Variants in GLDC observed in about 807,000 individuals in gnomAD.
GLDC encodes the protein glycine dehydrogenase (decarboxylating), mitochondrial.
In GLDC, 104 loss-of-function variants were observed where a neutral mutation model predicts 121.3. That is an observed-to-expected ratio of 0.86 (90% CI 0.73 to 1.01). The LOEUF is 1.01. GLDC is among the 50% of genes least tolerant of loss of function. GLDC has a pLI of 0.00. For synonymous variants in GLDC, 546 were observed against 480.6 expected (o/e 1.14, Z -1.78); for missense variants, 1,429 against 1,306.6 (o/e 1.09, Z -1.44).
In GLDC at chr9:6,587,179, T is replaced by C. The variant is rs1451634607; in HGVS notation, c.1812A>G (p.Glu604=). The C allele has an allele frequency of 6.2e-7, 1 of 1,613,948 alleles. No homozygotes were observed. Among genetic ancestry groups the C allele is most frequent in the African/African-American group, 1.3e-5 (1 of 75,038 alleles). Residue 604 remains glutamate (E), a synonymous_variant, in exon 15 of 25, where the codon GAA becomes GAG. Coordinates refer to ENST00000321612, the MANE Select transcript of GLDC (RefSeq NM_000170.3). ...LFRELEKDLC[E]LTGYDQVCFQ... ...AACAGACCTGGTCATAACCTGTGAG[T>C]TCACACAAATCCTTCTCAAGCTCTC...
rs370061961 is a variant in GLDC, at chr9:6,554,754, C to T, written c.2230G>A (p.Gly744Arg). The change falls in exon 19 of 25, where the codon GGG (glycine) becomes AGG (arginine). Residue 744 changes from glycine (G) to arginine (R), a missense_variant. Gly to Arg is a moderately radical substitution (Grantham distance 125, BLOSUM62 -2). Transcript: ENST00000321612. ...QVGICRPGDF[G>R]SDVSHLNLHK... is the part of the protein sequence containing the mutation. ...AGATTTAGGTGCGAGACATCAGACC[C>T]GAAGTCTCCAGGGCGACAGATTCCC... 203 of 1,613,240 alleles carry T rather than the reference C, an allele frequency of 1.3e-4. No individual in the cohort carries two copies. The highest frequency in any genetic ancestry group is 8.4e-4 in the Middle Eastern group (5 of 5,974).
At chr9:6,636,137 C>G (rs1819496672) in intron 2 of GLDC, among the ~76,000 whole-genome samples, 1 of 151,976 alleles carries the variant, frequency 6.6e-6, no homozygotes, top group Admixed American at 6.6e-5. Context: ...ACCCCCGTCT[C>G]TACTAAAGAT....
intron 2 of GLDC, among the ~76,000 whole-genome samples, chr9:6,629,958 T>TATATATATATATATGTGTATATA: frequency 2.5e-5 from 2 of 78,674 alleles, no homozygotes; most frequent in Non-Finnish European, 2.4e-5. Flanking sequence ...TATATATATA[T>TATATATATATATATGTGTATATA]TTTTTTTTTT....
intron 3 of GLDC, among the ~76,000 whole-genome samples, chr9:6,619,704 G>A (rs1819043108): frequency 1.3e-5 from 2 of 152,174 alleles, no homozygotes; most frequent in Non-Finnish European, 2.9e-5. Flanking sequence ...CTCCAGACTG[G>A]GATACACAGC....
At chr9:6,638,414 C>G (rs1819554388) in intron 2 of GLDC, among the ~76,000 whole-genome samples, 1 of 151,856 alleles carries the variant, frequency 6.6e-6, no homozygotes, top group Admixed American at 6.6e-5. Flanking sequence ...GGGGATTCAC[C>G]ATGTTGGTCA....
Position 6,604,643 on chromosome 9 carries a change from C to G in GLDC, c.1003G>C (p.Ala335Pro). ...ATTCTCACCAAGCTTTCTCGGACAG[C>G]AAAAAATGCTGCATGGGGTCCCCCA... Reference protein sequence around the residue: ...GYGGPHAAFFAVRESLVRMMP... With the variant: ...GYGGPHAAFFPVRESLVRMMP... The change falls in exon 7 of 25, where the codon GCT becomes CCT. Residue 335 changes from alanine (A) to proline (P), a missense_variant. Transcript: ENST00000321612. 6.2e-7 allele frequency: 1 copy of G among 1,613,770 alleles called. No individual in the cohort carries two copies. The highest frequency in any genetic ancestry group is 1.7e-5 in the Admixed American group (1 of 60,010).
chr9:6,622,720 G>A, intron 2 of GLDC: 1 of 198,678 alleles, frequency 5.0e-6, no homozygotes, highest in South Asian at 6.8e-5. Context: ...GGGATGTGAG[G>A]AGCCCCTCTG....
intron 16 of GLDC, among the ~76,000 whole-genome samples, chr9:6,559,280 C>T (rs1817697842): frequency 6.6e-6 from 1 of 151,324 alleles, no homozygotes; most frequent in African/African-American, 2.4e-5. Context: ...TTTGGGAGGC[C>T]GAGGCGGGTG....
intron 17 of GLDC, among the ~76,000 whole-genome samples, chr9:6,556,650 G>A (rs912184111): frequency 9.9e-5 from 15 of 152,130 alleles, no homozygotes; most frequent in East Asian, 7.7e-4. Context: ...AAGATTAGCC[G>A]AGCATGGTGG....
intron 21 of GLDC, 63 bp from the exon 22 acceptor site, chr9:6,540,209 G>A: frequency 2.9e-6 from 3 of 1,023,678 alleles, no homozygotes; most frequent in East Asian, 2.4e-5. Context: ...CCAAACAAAT[G>A]AATAAGTAAT....
intron 2 of GLDC, among the ~76,000 whole-genome samples, chr9:6,629,649 T>C (rs2129979588): frequency 6.6e-6 from 1 of 151,886 alleles, no homozygotes; most frequent in African/African-American, 2.4e-5. Context: ...TTTCCCATCC[T>C]TAACCCATTA....
At chr9:6,629,953 A>ATTTTTTTTTT (rs1208714084) in intron 2 of GLDC, among the ~76,000 whole-genome samples, 2 of 71,718 alleles carry the variant, frequency 2.8e-5, no homozygotes, top group African/African-American at 1.4e-4. Context: ...ATGTATATAT[A>ATTTTTTTTTT]TATATTTTTT....
intron 15 of GLDC, among the ~76,000 whole-genome samples, chr9:6,576,240 T>C (rs970219996): frequency 6.6e-6 from 1 of 152,208 alleles, no homozygotes; most frequent in East Asian, 1.9e-4. Context: ...TCCAAGATCC[T>C]AGAAGCCAGC....
Position 6,587,272 on chromosome 9 carries a change from C to G in GLDC, c.1719G>C (p.Trp573Cys). 1 of 1,613,344 alleles carries G rather than the reference C, an allele frequency of 6.2e-7. No homozygotes were observed. Among genetic ancestry groups the G allele is most frequent in the Non-Finnish European group, 8.5e-7 (1 of 1,179,336 alleles). The change falls in exon 15 of 25, where the codon TGG becomes TGC. Residue 573 changes from tryptophan (W) to cysteine (C), a missense_variant. By Grantham distance (215) the Trp-to-Cys change is radical. Coordinates refer to ENST00000321612, the MANE Select transcript of GLDC (RefSeq NM_000170.3). Reference protein sequence around the residue: ...NSSSELAPITWKEFANIHPFV... With the variant: ...NSSSELAPITCKEFANIHPFV... ...AGGGGTGGATGTTTGCAAATTCTTT[C>G]CATGTGATAGGCTGAAAAGAAAGAA... is the stretch of plus-strand genomic sequence containing the variant.
At chr9:6,540,029 A>G (rs1817221862) in intron 22 of GLDC, 22 bp downstream of exon 22, 2 of 1,467,512 alleles carry the variant, frequency 1.4e-6, no homozygotes, top group Non-Finnish European at 1.9e-6. Context: ...GGGCGGCGGC[A>G]TGAATGTCAA....
chr9:6,619,340 T>C (rs1465807570), intron 3 of GLDC, among the ~76,000 whole-genome samples: 1 of 151,728 alleles, frequency 6.6e-6, no homozygotes, highest in Non-Finnish European at 1.5e-5. Flanking sequence ...GATATTATGA[T>C]CTCCAACACC....
At chr9:6,542,765 A>G (rs1321982834) in intron 21 of GLDC, among the ~76,000 whole-genome samples, 2 of 151,458 alleles carry the variant, frequency 1.3e-5, no homozygotes, top group Middle Eastern at 3.4e-3. Context: ...GCCTGCCTGT[A>G]GTACCAGCTA....
intron 15 of GLDC, among the ~76,000 whole-genome samples, chr9:6,585,899 C>CTATCTATCTATCTATCTATCTATCTAT (rs1170236539): frequency 4.2e-5 from 4 of 94,266 alleles, no homozygotes; most frequent in Non-Finnish European, 4.5e-5. Flanking sequence ...TATCATCTGT[C>CTATCTATCTATCTATCTATCTATCTAT]CATCGGTCCA....
Position 6,545,074 on chromosome 9 carries a change from G to A in GLDC, c.2570-4928C>T, listed in dbSNP as rs141325262. ...AGATTGCGCCATTGCAATCCAGTCT[G>A]GGTAACAAGAGCGAAACTCTGTCTC... On this transcript the variant is annotated intron_variant, in intron 21 of 24. Coordinates refer to ENST00000321612, the MANE Select transcript of GLDC (RefSeq NM_000170.3). Among the ~76,000 whole-genome samples, 578 of 150,936 alleles carry A rather than the reference G, an allele frequency of 3.8e-3. 4 individuals carry two copies. The highest frequency in any genetic ancestry group is 0.014 in the African/African-American group (558 of 40,898).
Sources: gnomAD v4.1 joint callset for allele counts (sites outside exome capture counted in the v4.1 genomes callset) on GRCh38, gnomAD v4.1.1 for gene constraint, MANE v1.5 for transcripts, NCBI Gene and HGNC (gene_info 2026-07-23, HGNC 2026-07-21) for gene names.